Variants in APBB2 observed in about 807,000 individuals in gnomAD.
The protein encoded by APBB2 is amyloid beta precursor protein binding family B member 2, also known as Fe65-like 1.
In APBB2, 38 loss-of-function variants were observed where a neutral mutation model predicts 82.5. The observed-to-expected ratio is 0.46, with a 90% CI of 0.36 to 0.60. The LOEUF is 0.60. Ranked by LOEUF, APBB2 falls within the 20% of genes least tolerant of loss-of-function variation. The probability of loss-of-function intolerance (pLI) is 0.00; values close to 1 mark genes in which losing one functional copy is unlikely to be tolerated. For synonymous variants in APBB2, 341 were observed against 368.2 expected (o/e 0.93, Z 0.85); for missense variants, 772 against 972.3 (o/e 0.79, Z 2.74).
At chr4:40,982,948 C>T (rs1351327197) in intron 6 of APBB2, among the ~76,000 whole-genome samples, 1 of 152,158 alleles carries the variant, frequency 6.6e-6, no homozygotes, top group African/African-American at 2.4e-5. Flanking sequence ...TGCGATGGCC[C>T]TTTGTCATGC....
At chr4:41,068,690 C>A (rs1345227287) in intron 3 of APBB2, among the ~76,000 whole-genome samples, 3 of 151,636 alleles carry the variant, frequency 2.0e-5, no homozygotes, top group African/African-American at 7.3e-5. Context: ...AGCAAAAGAT[C>A]TGGAAGATGT....
intron 6 of APBB2, among the ~76,000 whole-genome samples, chr4:40,965,017 G>A (rs969316972): frequency 6.6e-6 from 1 of 152,012 alleles, no homozygotes; most frequent in African/African-American, 2.4e-5. Flanking sequence ...CTACTTGGGA[G>A]GCTGAGGCAA....
chr4:40,842,574 C>T, intron 12 of APBB2: 1 of 220,710 alleles, frequency 4.5e-6, no homozygotes, highest in South Asian at 5.2e-5. Flanking sequence ...TATTTTGAGC[C>T]ACATTATGAT....
intron 3 of APBB2, among the ~76,000 whole-genome samples, chr4:41,067,239 A>G (rs13123319): frequency 1 from 151,597 of 152,182 alleles, 75,508 homozygotes; most frequent in Middle Eastern, 1. Flanking sequence ...GAGAAACCCC[A>G]TCTCTACTAA....
intron 12 of APBB2, among the ~76,000 whole-genome samples, chr4:40,863,352 A>G (rs889115685): frequency 2.0e-5 from 3 of 152,210 alleles, no homozygotes; most frequent in Non-Finnish European, 4.4e-5. Flanking sequence ...AAGGTAGATC[A>G]ATGCCTTTCA....
chr4:40,822,267 C>T, intron 16 of APBB2: 1 of 557,982 alleles, frequency 1.8e-6, no homozygotes. Flanking sequence ...AACTACACTG[C>T]TGTCATGGGG....
In APBB2 at chr4:40,960,478, CG is replaced by C. The variant is rs1248362539; in HGVS notation, c.836-15406del. 2.4e-5 allele frequency among the ~76,000 whole-genome samples: 3 copies of C among 125,368 alleles called. No homozygotes were observed. The East Asian group carries it at 7.3e-4, about 30-fold the overall frequency. 82.2% of individuals were successfully genotyped at this position (125,368 alleles called of 152,430 possible). A position where few individuals can be genotyped will look rare whatever the true frequency, so the allele number is the denominator to read the frequency against. The stretch of plus-strand genomic sequence containing the variant: ...TTTTTTTTTTTTTGAGACGGGGTCT[CG>C]CTCTGTCGCCCAGGCTGGAGTGCAG... On this transcript the variant is annotated intron_variant, in intron 6 of 17. Coordinates refer to ENST00000508593, the MANE Select transcript of APBB2 (RefSeq NM_004307.2).
At chr4:41,210,014 A>T (rs889502596) in intron 1 of APBB2, among the ~76,000 whole-genome samples, 1 of 152,278 alleles carries the variant, frequency 6.6e-6, no homozygotes, top group South Asian at 2.1e-4. Flanking sequence ...TCTCATAGGG[A>T]GTGCACAACC....
chr4:40,887,418 A>G (rs1198775723), intron 12 of APBB2, among the ~76,000 whole-genome samples: 1 of 152,240 alleles, frequency 6.6e-6, no homozygotes, highest in Non-Finnish European at 1.5e-5. Context: ...CTCAGCAAGG[A>G]AAGTTACAAA....
chr4:40,988,100 C>T (rs760234489), intron 6 of APBB2, among the ~76,000 whole-genome samples: 44 of 152,238 alleles, frequency 2.9e-4, no homozygotes, highest in South Asian at 8.3e-4. Context: ...TGGTGAGAAA[C>T]AAATGGTCAC....
intron 7 of APBB2, among the ~76,000 whole-genome samples, chr4:40,938,360 G>A (rs901573623): frequency 7.9e-5 from 12 of 152,196 alleles, no homozygotes; most frequent in Non-Finnish European, 1.5e-5. Flanking sequence ...CCGGGGTATG[G>A]CACTCCTCAA....
At chr4:40,978,222 T>C (rs1797659210) in intron 6 of APBB2, among the ~76,000 whole-genome samples, 1 of 152,246 alleles carries the variant, frequency 6.6e-6, no homozygotes, top group Non-Finnish European at 1.5e-5. Flanking sequence ...CTAAGTCACA[T>C]ATTCTTCTAG....
chr4:40,919,871 C>T lies in APBB2; in HGVS notation c.1254+14585G>A, dbSNP rs184934240. 2.6e-5 allele frequency among the ~76,000 whole-genome samples: 4 copies of T among 152,262 alleles called. No individual in the cohort carries two copies. In the East Asian group the frequency reaches 7.7e-4, roughly 29 times the overall value. On this transcript the variant is annotated intron_variant, in intron 10 of 17. Transcript: ENST00000508593. ...CATCCCATTTTACAGATGAGAGAAG[C>T]GAAGTCCAGAGAGGTTTAGCCACAC...
intron 3 of APBB2, among the ~76,000 whole-genome samples, chr4:41,090,505 TCTA>T (rs2153952602): frequency 6.6e-6 from 1 of 152,310 alleles, no homozygotes; most frequent in African/African-American, 2.4e-5. Context: ...TTTTCCTTTT[TCTA>T]CTTATAAGAC....
At chr4:41,124,726 T>A (rs1278068049) in intron 2 of APBB2, among the ~76,000 whole-genome samples, 1 of 152,222 alleles carries the variant, frequency 6.6e-6, no homozygotes, top group Non-Finnish European at 1.5e-5. Flanking sequence ...ATGCATTTGT[T>A]ATAATTGGCT....
intron 12 of APBB2, among the ~76,000 whole-genome samples, chr4:40,868,544 G>A (rs918773625): frequency 6.6e-6 from 1 of 152,222 alleles, no homozygotes; most frequent in Non-Finnish European, 1.5e-5. Flanking sequence ...TTAGCCAGAA[G>A]TAAAGGCTGG....
At chr4:40,955,064 G>A (rs1010976605) in intron 6 of APBB2, among the ~76,000 whole-genome samples, 4 of 152,176 alleles carry the variant, frequency 2.6e-5, no homozygotes, top group Admixed American at 1.3e-4. Flanking sequence ...CTGTACCGAT[G>A]ACCTCCTATA....
At chr4:40,941,509 T>C (rs1006839097) in intron 7 of APBB2, among the ~76,000 whole-genome samples, 5 of 152,252 alleles carry the variant, frequency 3.3e-5, no homozygotes, top group African/African-American at 7.2e-5. Context: ...AGCTTGACTC[T>C]ACCATGTATT....
chr4:40,974,255 T>C (rs1322915839), intron 6 of APBB2, among the ~76,000 whole-genome samples: 1 of 152,236 alleles, frequency 6.6e-6, no homozygotes, highest in Admixed American at 6.5e-5. Context: ...CTACATAATG[T>C]CAGACTTATA....
Sources: allele counts gnomAD v4.1 joint callset (sites outside exome capture counted in the v4.1 genomes callset), GRCh38; gene constraint gnomAD v4.1.1; transcripts MANE v1.5; gene names NCBI Gene and HGNC (gene_info 2026-07-23, HGNC 2026-07-21).